Variants in SP100 observed in about 807,000 individuals in gnomAD.
SP100 encodes the protein SP100 nuclear body protein.
In SP100, 84 loss-of-function variants were observed where a neutral mutation model predicts 130.0. The ratio of observed to expected loss-of-function variants is 0.65; its 90% CI spans 0.54 to 0.77. The LOEUF (loss-of-function observed/expected upper bound fraction) is 0.77, where lower values mean the gene tolerates loss of function less well. SP100 is among the 30% of genes least tolerant of loss of function. The pLI is 0.00. For synonymous variants in SP100, 331 were observed against 351.7 expected (o/e 0.94, Z 0.66); for missense variants, 978 against 1,052.2 (o/e 0.93, Z 0.97).
intron 5 of SP100, among the ~76,000 whole-genome samples, chr2:230,448,027 T>G (rs1346630770): frequency 6.6e-6 from 1 of 152,194 alleles, no homozygotes; most frequent in Non-Finnish European, 1.5e-5. Flanking sequence ...TTTTCACTTG[T>G]TATGACTTAA....
chr2:230,507,388 AAAAT>A (rs1559526522), intron 22 of SP100: 1 of 152,422 alleles, frequency 6.6e-6, no homozygotes, highest in Non-Finnish European at 1.5e-5. Context: ...CCCATCTCTA[AAAAT>A]AAATAAATAA....
At chr2:230,489,392 T>A (rs1305152450) in intron 17 of SP100, among the ~76,000 whole-genome samples, 2 of 152,184 alleles carry the variant, frequency 1.3e-5, no homozygotes, top group Non-Finnish European at 2.9e-5. Context: ...TTTTATTGTG[T>A]CTATTTGATT....
chr2:230,427,167 C>CTCT (rs1553633243), intron 2 of SP100, among the ~76,000 whole-genome samples: 1 of 151,052 alleles, frequency 6.6e-6, no homozygotes, highest in Non-Finnish European at 1.5e-5. Context: ...CTCTCTCTCT[C>CTCT]TTTTTTTTTC....
rs527614869 is a variant in SP100 at position 230,539,984 on chromosome 2, C to A, written c.2210+602C>A. Reference sequence around the variant, plus strand: ...ATCTCTACCGGGAATGTGTCTGACTCTATGAGGGCAGAGCATTGCCCTTCC... The same window carrying A: ...ATCTCTACCGGGAATGTGTCTGACTATATGAGGGCAGAGCATTGCCCTTCC... On this transcript the variant is annotated intron_variant, in intron 25 of 28. Coordinates refer to ENST00000340126, the MANE Select transcript of SP100 (RefSeq NM_001080391.2). 1.2e-4 allele frequency among the ~76,000 whole-genome samples: 18 copies of A among 152,296 alleles called. No homozygotes were observed. In the East Asian group the frequency reaches 3.3e-3, roughly 28 times the overall value.
chr2:230,456,889 G>C (rs1198135554), intron 8 of SP100, among the ~76,000 whole-genome samples: 1 of 152,112 alleles, frequency 6.6e-6, no homozygotes, highest in Non-Finnish European at 1.5e-5. Context: ...TTTGAATTCT[G>C]CATAAGGCAG....
intron 24 of SP100, among the ~76,000 whole-genome samples, chr2:230,535,959 G>C (rs1325992257): frequency 7.3e-6 from 1 of 137,184 alleles, no homozygotes; most frequent in East Asian, 2.1e-4. Flanking sequence ...TTTATAATGA[G>C]ACACAGTTGG....
chr2:230,430,802 A>G (rs556417604), intron 2 of SP100, among the ~76,000 whole-genome samples: 1 of 152,200 alleles, frequency 6.6e-6, no homozygotes, highest in African/African-American at 2.4e-5. Context: ...TTTCCTGCCC[A>G]TGCAGGTCAT....
chr2:230,434,543 CA>C (rs891167989), intron 2 of SP100, among the ~76,000 whole-genome samples: 3 of 151,666 alleles, frequency 2.0e-5, no homozygotes, highest in Non-Finnish European at 4.4e-5. Flanking sequence ...ATATGATAAA[CA>C]ATAAATACAC....
chr2:230,466,161 G>C (rs1252979691), intron 11 of SP100, 140 bp from the exon 12 acceptor site: 2 of 485,794 alleles, frequency 4.1e-6, no homozygotes, highest in Non-Finnish European at 7.0e-6. Flanking sequence ...CTCCAGCCTG[G>C]GTGATAGAAC....
At chr2:230,533,012 C>T (rs1238098647) in intron 24 of SP100, among the ~76,000 whole-genome samples, 1 of 152,256 alleles carries the variant, frequency 6.6e-6, no homozygotes, top group African/African-American at 2.4e-5. Context: ...AACGCCTAAC[C>T]TTATGTGATC....
chr2:230,477,148 A>G (rs1343483704), intron 17 of SP100, among the ~76,000 whole-genome samples: 1 of 152,116 alleles, frequency 6.6e-6, no homozygotes, highest in Non-Finnish European at 1.5e-5. Context: ...TACAGGCATG[A>G]GCTACCACGC....
chr2:230,534,065 T>C lies in SP100; in HGVS notation c.2095-5202T>C, dbSNP rs148389639. Among the ~76,000 whole-genome samples the C allele has an allele frequency of 8.7e-4, 132 of 152,320 alleles. No individual in the cohort carries two copies. In the East Asian group the frequency reaches 0.024, roughly 28 times the overall value. ...AAAAGACATTTAGGTGGCCTCATGC[T>C]GTCTTTATTAGGTTTCATTGTTTGG... is the stretch of plus-strand genomic sequence containing the variant. On this transcript the variant is annotated intron_variant, in intron 24 of 28. Coordinates refer to ENST00000340126, the MANE Select transcript of SP100 (RefSeq NM_001080391.2).
At chr2:230,430,606 G>A (rs971901171) in intron 2 of SP100, among the ~76,000 whole-genome samples, 3 of 152,252 alleles carry the variant, frequency 2.0e-5, no homozygotes, top group African/African-American at 7.2e-5. Context: ...AAAGCTGCAA[G>A]TTGTGCCCCA....
intron 5 of SP100, among the ~76,000 whole-genome samples, chr2:230,447,574 T>G (rs7582022): frequency 3.9e-4 from 60 of 152,198 alleles, no homozygotes; most frequent in African/African-American, 1.4e-3. Flanking sequence ...ATCACACAGA[T>G]CTCATGGAAA....
chr2:230,525,663 G>A (rs1158675010), intron 24 of SP100, among the ~76,000 whole-genome samples: 1 of 152,090 alleles, frequency 6.6e-6, no homozygotes, highest in African/African-American at 2.4e-5. Flanking sequence ...CCTAGACAAG[G>A]GAGTATACTA....
chr2:230,507,940 T>C (rs1690245113), intron 22 of SP100, 53 bp from the exon 23 acceptor site: 3 of 1,545,240 alleles, frequency 1.9e-6, no homozygotes, highest in East Asian at 2.3e-5. Context: ...AATACTAAGC[T>C]CACAAAATAA....
chr2:230,540,912 T>C lies in SP100; in HGVS notation c.2247T>C (p.Thr749=). 1 of 1,613,554 alleles carries C rather than the reference T, an allele frequency of 6.2e-7. No individual in the cohort carries two copies. Among genetic ancestry groups the C allele is most frequent in the Non-Finnish European group, 8.5e-7 (1 of 1,179,600 alleles). ...PWSCIFCRIK[T]IQERCPESQS... Reference sequence around the variant, plus strand: ...GTTGCATCTTCTGCAGGATAAAGACTATTCAGGAAAGATGCCCAGAAAGCC... The same window carrying C: ...GTTGCATCTTCTGCAGGATAAAGACCATTCAGGAAAGATGCCCAGAAAGCC... The change falls in exon 26 of 29, where the codon ACT becomes ACC. Residue 749 remains threonine (T), a synonymous_variant. Coordinates refer to ENST00000340126, the MANE Select transcript of SP100 (RefSeq NM_001080391.2).
At chr2:230,488,425 G>T (rs2066226488) in intron 17 of SP100, among the ~76,000 whole-genome samples, 1 of 152,022 alleles carries the variant, frequency 6.6e-6, no homozygotes. Context: ...TGTTGTTGTT[G>T]TTTTTTGAGA....
At chr2:230,475,053 G>C (rs141962811) in intron 17 of SP100, among the ~76,000 whole-genome samples, 1 of 151,952 alleles carries the variant, frequency 6.6e-6, no homozygotes, top group Admixed American at 6.6e-5. Context: ...TATACCTAAA[G>C]GTAGTGGGAT....
Sources: allele counts gnomAD v4.1 joint callset (sites outside exome capture counted in the v4.1 genomes callset), GRCh38; gene constraint gnomAD v4.1.1; transcripts MANE v1.5; gene names NCBI Gene and HGNC (gene_info 2026-07-23, HGNC 2026-07-21).